The following SPATA13 variants were observed in gnomAD, a reference collection of about 807,000 sequenced individuals.
SPATA13 encodes spermatogenesis-associated protein 13.
In SPATA13, 50 loss-of-function variants were observed where a neutral mutation model predicts 104.0. The ratio of observed to expected loss-of-function variants is 0.48; its 90% CI spans 0.38 to 0.61. SPATA13 has a LOEUF of 0.61. Among genes scored for constraint, SPATA13 ranks in the 20% least tolerant of loss-of-function variants. SPATA13 has a pLI of 0.00. For missense variants in SPATA13, 1,524 were observed against 1,690.6 expected, an observed-to-expected ratio of 0.90 and a Z score of 1.73; for synonymous variants, 606 against 667.5, an observed-to-expected ratio of 0.91 and a Z score of 1.42.
At chr13:24,002,680 G>A (rs1355204249) in intron 2 of SPATA13, among the ~76,000 whole-genome samples, 3 of 152,094 alleles carry the variant, frequency 2.0e-5, no homozygotes, top group Admixed American at 6.5e-5. Context: ...AGCCTCGTCC[G>A]GCTCCTTGAG....
chr13:24,214,394 A>G (rs1871179179), intron 1 of SPATA13, among the ~76,000 whole-genome samples: 2 of 152,232 alleles, frequency 1.3e-5, no homozygotes, highest in African/African-American at 4.8e-5. Flanking sequence ...ACATGTTACC[A>G]AGAAAGGTGT....
intron 2 of SPATA13, chr13:24,017,549 T>C (rs1427314449): frequency 1.9e-5 from 5 of 265,454 alleles, no homozygotes; most frequent in Non-Finnish European, 2.3e-5. Context: ...TATATATACA[T>C]TTTTGTTTAC....
chr13:24,152,945 TGTAACCTTTAA>T (rs1394370759), intron 3 of SPATA13, among the ~76,000 whole-genome samples: 1 of 152,256 alleles, frequency 6.6e-6, no homozygotes, highest in Non-Finnish European at 1.5e-5. Flanking sequence ...TTCACCTCCG[TGTAACCTTTAA>T]GTACACCCAA....
At chr13:24,264,883 G>A (rs1024386454) in intron 4 of SPATA13, among the ~76,000 whole-genome samples, 136 of 152,294 alleles carry the variant, frequency 8.9e-4, no homozygotes, top group African/African-American at 3.2e-3. Context: ...CAAAGTTCTA[G>A]TCAGTGCCCA....
At chr13:24,252,589 G>T (rs1873556305) in intron 4 of SPATA13, among the ~76,000 whole-genome samples, 1 of 152,188 alleles carries the variant, frequency 6.6e-6, no homozygotes. Flanking sequence ...CATTGTTAGG[G>T]TGGTAGGAAT....
At position 24,088,217 on chromosome 13, in the gene SPATA13, C is replaced by G. The variant is rs1055113240; in HGVS notation, c.-112+70516C>G. Among the ~76,000 whole-genome samples the G allele has an allele frequency of 3.3e-5, 5 of 152,142 alleles. No individual in the cohort carries two copies. Among genetic ancestry groups the G allele is most frequent in the Non-Finnish European group, 7.3e-5 (5 of 68,034 alleles). On this transcript the variant is annotated intron_variant, in intron 3 of 14. Transcript: ENST00000424834. This position sits in a 1 kb window ranked among gnomAD's most constrained non-coding sequence, Gnocchi z 4.3. ...AACTGGCGTGTTAATGCTCCCTAGG[C>G]AGCACTGGATGCCCACAGTGTTTGA...
At chr13:24,064,251 C>T (rs1291082444) in intron 3 of SPATA13, among the ~76,000 whole-genome samples, 1 of 152,154 alleles carries the variant, frequency 6.6e-6, no homozygotes, top group African/African-American at 2.4e-5. Context: ...ACTAGAATGG[C>T]TACAGTCTCC....
chr13:24,234,029 G>T (rs898836369), intron 2 of SPATA13, among the ~76,000 whole-genome samples: 1 of 152,088 alleles, frequency 6.6e-6, no homozygotes, highest in Non-Finnish European at 1.5e-5. Flanking sequence ...TTTCTCTAGT[G>T]AGATACCATT....
At position 23,988,311 on chromosome 13, in the gene SPATA13, C is replaced by A. The variant is rs895243070; in HGVS notation, c.-147+4378C>A. Among the ~76,000 whole-genome samples, 3 of 152,140 alleles carry A rather than the reference C, an allele frequency of 2.0e-5. No homozygotes were observed. In the East Asian group the frequency reaches 5.8e-4, roughly 29 times the overall value. On this transcript the variant is annotated intron_variant, in intron 2 of 14. Coordinates refer to the SPATA13 transcript ENST00000424834. ...GTGTATATACCACATTTTGTTTATT[C>A]ATTCACCTGCTGATGGAAATTTGGG...
At chr13:24,116,083 T>C (rs1190177681) in intron 3 of SPATA13, among the ~76,000 whole-genome samples, 2 of 152,154 alleles carry the variant, frequency 1.3e-5, no homozygotes, top group Non-Finnish European at 2.9e-5. Flanking sequence ...TATATAGATG[T>C]CCTAGACCAT....
intron 2 of SPATA13, among the ~76,000 whole-genome samples, chr13:23,993,144 G>C (rs570953489): frequency 6.9e-6 from 1 of 145,894 alleles, no homozygotes; most frequent in African/African-American, 2.6e-5. Context: ...ACCTGCTGTG[G>C]CGAAGGTCGT....
chr13:24,060,325 G>C (rs566348950), intron 3 of SPATA13, among the ~76,000 whole-genome samples: 1 of 152,266 alleles, frequency 6.6e-6, no homozygotes, highest in South Asian at 2.1e-4. Context: ...ACAGAAACAA[G>C]CAATGGGAAA....
intron 4 of SPATA13, among the ~76,000 whole-genome samples, chr13:24,271,074 C>A (rs1400393351): frequency 1.3e-5 from 2 of 151,406 alleles, no homozygotes; most frequent in Non-Finnish European, 2.9e-5. Flanking sequence ...CTCTCTTTCT[C>A]TGCTGCTTGT....
chr13:24,251,946 A>G, intron 4 of SPATA13, 84 bp downstream of exon 4: 1 of 1,504,912 alleles, frequency 6.6e-7, no homozygotes. Context: ...CAGGTTCTGC[A>G]CCTTCGCGCC....
At chr13:24,019,102 T>A (rs1876849443) in intron 3 of SPATA13, among the ~76,000 whole-genome samples, 2 of 149,824 alleles carry the variant, frequency 1.3e-5, no homozygotes, top group African/African-American at 4.9e-5. Context: ...TATTTTTTTT[T>A]TTTTGAGACG....
At chr13:23,987,068 C>T (rs1875182700) in intron 2 of SPATA13, among the ~76,000 whole-genome samples, 1 of 143,284 alleles carries the variant, frequency 7.0e-6, no homozygotes, top group Non-Finnish European at 1.5e-5. Context: ...CAGGCCTACC[C>T]CATAGGCAGT....
At chr13:24,190,885 A>G (rs1869695157) in intron 1 of SPATA13, among the ~76,000 whole-genome samples, 1 of 152,188 alleles carries the variant, frequency 6.6e-6, no homozygotes, top group African/African-American at 2.4e-5. Context: ...GTAAAATGCT[A>G]TCAAACAGTA....
At position 24,102,498 on chromosome 13, in the gene SPATA13, G is replaced by C. The variant is rs147405679; in HGVS notation, c.-112+84797G>C. ...TTCTTTTTTTTTTTTTTTTTGAGAT[G>C]GAGTCTCACTCTATCATCCAAGCTG... On this transcript the variant is annotated intron_variant, in intron 3 of 14. Coordinates refer to the SPATA13 transcript ENST00000424834. 3.4e-3 allele frequency among the ~76,000 whole-genome samples: 455 copies of C among 133,310 alleles called. 14 individuals carry two copies. In the East Asian group the frequency reaches 0.065, roughly 19 times the overall value. 87.5% of individuals were successfully genotyped at this position (133,310 alleles called of 152,430 possible).
At chr13:24,138,594 T>A (rs1881651326) in intron 3 of SPATA13, among the ~76,000 whole-genome samples, 1 of 152,112 alleles carries the variant, frequency 6.6e-6, no homozygotes, top group East Asian at 1.9e-4. Context: ...GTTTTTTAAT[T>A]TATTTTAGAG....
Sources: allele counts gnomAD v4.1 joint callset (sites outside exome capture counted in the v4.1 genomes callset), GRCh38; gene constraint gnomAD v4.1.1; non-coding constraint Gnocchi (gnomAD v3.1); transcripts MANE v1.5; gene names NCBI Gene and HGNC (gene_info 2026-07-23, HGNC 2026-07-21).